MECOM: variants seen among roughly 807,000 people sequenced by gnomAD.
MECOM encodes the protein MDS1 and EVI1 complex locus.
A neutral mutation model predicts 116.3 loss-of-function variants in MECOM; 13 were observed. That is an observed-to-expected ratio of 0.11 (90% CI 0.07 to 0.18). MECOM has a LOEUF of 0.18. Ranked by LOEUF, MECOM falls within the 10% of genes least tolerant of loss-of-function variation. MECOM has a pLI of 1.00. For synonymous variants in MECOM, 528 were observed against 535.2 expected (o/e 0.99, Z 0.19); for missense variants, 1,299 against 1,509.0 (o/e 0.86, Z 2.31).
intron 2 of MECOM, among the ~76,000 whole-genome samples, chr3:169,236,633 T>A (rs1196005531): frequency 6.6e-6 from 1 of 152,206 alleles, no homozygotes; most frequent in Non-Finnish European, 1.5e-5. Context: ...ATGTTTTGTA[T>A]ACACCTCGAA....
intron 1 of MECOM, among the ~76,000 whole-genome samples, chr3:169,662,753 C>A (rs1776472832): frequency 6.6e-6 from 1 of 152,060 alleles, no homozygotes; most frequent in Non-Finnish European, 1.5e-5. Flanking sequence ...CGCCTCGCAA[C>A]TTTTCCCAAG....
chr3:169,298,642 T>A (rs1489444990), intron 2 of MECOM, among the ~76,000 whole-genome samples: 2 of 152,210 alleles, frequency 1.3e-5, no homozygotes, highest in Non-Finnish European at 2.9e-5. Context: ...ATCTCCATTC[T>A]AAGAATCAAA....
chr3:169,661,325 T>A (rs1487185860), intron 1 of MECOM, among the ~76,000 whole-genome samples: 9 of 83,576 alleles, frequency 1.1e-4, no homozygotes, highest in Admixed American at 1.8e-4. Context: ...ACACACACAC[T>A]CTCTCTCTCT....
chr3:169,505,662 C>T lies in MECOM; in HGVS notation c.38-124138G>A, dbSNP rs567016992. Among the ~76,000 whole-genome samples the T allele has an allele frequency of 2.0e-3, 308 of 152,262 alleles. 2 individuals carry two copies. Among genetic ancestry groups the T allele is most frequent in the Non-Finnish European group, 3.4e-3 (232 of 68,016 alleles). On this transcript the variant is annotated intron_variant, in intron 1 of 16. Transcript: ENST00000651503. ...TTGCTAACTATAGTCATCAGTCTGTCCACTGGATCTCCAGAACTTAGCCAT... is the reference window on the plus strand; with the variant it reads ...TTGCTAACTATAGTCATCAGTCTGTTCACTGGATCTCCAGAACTTAGCCAT...
intron 2 of MECOM, among the ~76,000 whole-genome samples, chr3:169,284,401 T>C (rs1383218068): frequency 6.6e-6 from 1 of 152,136 alleles, no homozygotes; most frequent in Non-Finnish European, 1.5e-5. Context: ...TATTTTTCCC[T>C]CAGCTTAATC....
chr3:169,240,309 A>C (rs751019529), intron 2 of MECOM, among the ~76,000 whole-genome samples: 2 of 152,194 alleles, frequency 1.3e-5, no homozygotes, highest in Non-Finnish European at 2.9e-5. Flanking sequence ...ATAGATGAGG[A>C]AGAAATGACC....
chr3:169,517,957 T>C lies in MECOM; in HGVS notation c.38-136433A>G, dbSNP rs79390771. 1.6e-3 allele frequency among the ~76,000 whole-genome samples: 246 copies of C among 152,340 alleles called. 1 individual carries two copies. The highest frequency in any genetic ancestry group is 5.6e-3 in the African/African-American group (232 of 41,570). ...GTGCATAGCTATTTAATTAAAATTATGTTAAGAAAACAGTTGACAGGGCCG... is the reference window on the plus strand; with the variant it reads ...GTGCATAGCTATTTAATTAAAATTACGTTAAGAAAACAGTTGACAGGGCCG... On this transcript the variant is annotated intron_variant, in intron 1 of 16. Transcript: ENST00000651503.
intron 2 of MECOM, among the ~76,000 whole-genome samples, chr3:169,187,116 T>C (rs1283540758): frequency 6.6e-5 from 10 of 152,156 alleles, no homozygotes; most frequent in Admixed American, 3.9e-4. Flanking sequence ...CCAGCACACA[T>C]TATGATGCTT....
intron 2 of MECOM, among the ~76,000 whole-genome samples, chr3:169,336,269 G>A (rs766291399): frequency 4.6e-5 from 7 of 151,888 alleles, no homozygotes; most frequent in Non-Finnish European, 7.4e-5. Flanking sequence ...GGGAGCTTCT[G>A]GGGGGCCAAA....
intron 2 of MECOM, among the ~76,000 whole-genome samples, chr3:169,327,418 T>C (rs1432059204): frequency 1.3e-5 from 2 of 152,054 alleles, no homozygotes; most frequent in East Asian, 1.9e-4. Context: ...GGTGGGCAGA[T>C]CACAAGGTGA....
chr3:169,289,823 T>C (rs1432481779), intron 2 of MECOM, among the ~76,000 whole-genome samples: 1 of 152,234 alleles, frequency 6.6e-6, no homozygotes, highest in Non-Finnish European at 1.5e-5. Flanking sequence ...AGCTAGTTAT[T>C]TCTTTGTGTC....
At chr3:169,218,136 G>T (rs1751653194) in intron 2 of MECOM, among the ~76,000 whole-genome samples, 1 of 151,780 alleles carries the variant, frequency 6.6e-6, no homozygotes, top group African/African-American at 2.4e-5. Context: ...TATTTTAATG[G>T]GAAGAGACAT....
intron 2 of MECOM, among the ~76,000 whole-genome samples, chr3:169,208,222 T>C (rs1387926972): frequency 6.6e-6 from 1 of 150,524 alleles, no homozygotes; most frequent in Non-Finnish European, 1.5e-5. Context: ...TGTGTGTGTG[T>C]GTGTGTATAT....
intron 2 of MECOM, among the ~76,000 whole-genome samples, chr3:169,270,710 C>A (rs954553316): frequency 1.3e-5 from 2 of 151,722 alleles, no homozygotes; most frequent in South Asian, 4.2e-4. Flanking sequence ...TAAATTTAAT[C>A]GTATAAATTT....
intron 1 of MECOM, among the ~76,000 whole-genome samples, chr3:169,522,702 T>G (rs960394487): frequency 6.6e-6 from 1 of 152,180 alleles, no homozygotes; most frequent in African/African-American, 2.4e-5. Flanking sequence ...GGTAACAGTA[T>G]AAGGAATAGA....
intron 9 of MECOM, among the ~76,000 whole-genome samples, chr3:169,112,156 G>A (rs570589825): frequency 6.6e-6 from 1 of 152,182 alleles, no homozygotes; most frequent in East Asian, 1.9e-4. Flanking sequence ...ATTACTAAAT[G>A]TATAAGGACT....
chr3:169,381,115 G>C (rs1251754948), intron 2 of MECOM, 72 bp downstream of exon 2: 2 of 1,349,466 alleles, frequency 1.5e-6, no homozygotes, highest in African/African-American at 2.9e-5. Context: ...TGCTTATTTT[G>C]TGGATGCTTA....
chr3:169,111,785 A>G (rs559469801), intron 9 of MECOM, among the ~76,000 whole-genome samples: 1 of 152,084 alleles, frequency 6.6e-6, no homozygotes, highest in Non-Finnish European at 1.5e-5. Flanking sequence ...AGATACTTGA[A>G]AAAATACAAA....
chr3:169,156,104 C>T (rs1039506370), intron 2 of MECOM, among the ~76,000 whole-genome samples: 4 of 152,154 alleles, frequency 2.6e-5, no homozygotes, highest in Admixed American at 1.3e-4. Context: ...AAGTTATTAT[C>T]AGATATTCCC....
Sources: gnomAD v4.1 joint callset for allele counts (sites outside exome capture counted in the v4.1 genomes callset) on GRCh38, gnomAD v4.1.1 for gene constraint, MANE v1.5 for transcripts, NCBI Gene and HGNC (gene_info 2026-07-23, HGNC 2026-07-21) for gene names.